The following MTMR3 variants were observed in gnomAD, a reference collection of about 807,000 sequenced individuals.
MTMR3 encodes phosphatidylinositol-3,5-bisphosphate 3-phosphatase MTMR3.
Under a neutral mutation model 132.4 loss-of-function variants are expected in MTMR3, and 32 were observed. The observed-to-expected ratio is 0.24, with a 90% CI of 0.18 to 0.32. MTMR3 has a LOEUF of 0.32. Among genes scored for constraint, MTMR3 ranks in the 10% least tolerant of loss-of-function variants. The pLI is 1.00. For synonymous variants in MTMR3, 556 were observed against 550.3 expected, an observed-to-expected ratio of 1.01 and a Z score of -0.14; for missense variants, 1,216 against 1,489.6, an observed-to-expected ratio of 0.82 and a Z score of 3.02.
intron 19 of MTMR3, chr22:30,023,297 A>G: frequency 1.4e-6 from 1 of 703,162 alleles, no homozygotes; most frequent in Non-Finnish European, 2.5e-6. Context: ...GTTTATCTGA[A>G]TCATGCCATA....
At position 30,013,444 on chromosome 22, in the gene MTMR3, T is replaced by G. The variant is rs1260809321; in HGVS notation, c.1406T>G (p.Leu469Arg). ...GGTCATGGGGAGAACTCGGATGATC[T>G]GAATGAACGTTGCCCAGTGTTTCTG... ...RCGHGENSDD[L>R]NERCPVFLQW... The change falls in exon 14 of 20, where the codon CTG (leucine) becomes CGG (arginine). Residue 469 changes from leucine to arginine, a missense_variant. Physicochemically the swap from Leu to Arg is moderately radical, Grantham distance 102 (BLOSUM62 -2). Transcript: ENST00000401950. 6.2e-7 allele frequency: 1 copy of G among 1,614,208 alleles called. No individual in the cohort carries two copies. Among genetic ancestry groups the G allele is most frequent in the Non-Finnish European group, 8.5e-7 (1 of 1,180,018 alleles).
chr22:30,016,904 G>A (rs530767239), intron 15 of MTMR3: 1 of 605,892 alleles, frequency 1.7e-6, no homozygotes, highest in Admixed American at 3.5e-5. Flanking sequence ...ACTACTTGCT[G>A]AGGGTGGTTT....
At chr22:29,947,069 AT>A (rs1319645613) in intron 1 of MTMR3, among the ~76,000 whole-genome samples, 1 of 152,168 alleles carries the variant, frequency 6.6e-6, no homozygotes, top group Non-Finnish European at 1.5e-5. Flanking sequence ...CAAGGTTCTT[AT>A]GTTTCCAGCA....
At chr22:29,982,933 TTGTTTGTGTGTGTGTGTGTG>T (rs1391568821) in intron 5 of MTMR3, 8 of 108,418 alleles carry the variant, frequency 7.4e-5, no homozygotes, top group African/African-American at 3.7e-4. Flanking sequence ...GTTTAAAAGT[TTGTTTGTGTGTGTGTGTGTG>T]TGTGTGTGTG....
intron 19 of MTMR3, chr22:30,023,138 T>C (rs1181964493): frequency 7.0e-6 from 3 of 431,062 alleles, no homozygotes; most frequent in Non-Finnish European, 1.3e-5. Flanking sequence ...GCTTGGGAAG[T>C]AGTAGAGACA....
intron 1 of MTMR3, among the ~76,000 whole-genome samples, chr22:29,896,472 G>C (rs1224276400): frequency 6.6e-6 from 1 of 152,064 alleles, no homozygotes; most frequent in East Asian, 1.9e-4. Context: ...GCCAACTTCT[G>C]GCCGGCCACT....
intron 1 of MTMR3, among the ~76,000 whole-genome samples, chr22:29,892,418 C>T (rs2064818297): frequency 6.6e-6 from 1 of 152,100 alleles, no homozygotes; most frequent in Admixed American, 6.6e-5. Flanking sequence ...GAGTTAGGTC[C>T]TAGAGACTGA....
At chr22:29,986,431 T>C in intron 5 of MTMR3, 3 of 424,452 alleles carry the variant, frequency 7.1e-6, no homozygotes, top group Non-Finnish European at 9.4e-6. Context: ...CAAAGTTATC[T>C]TCTAATCTGT....
At chr22:29,904,005 G>C (rs548297473) in intron 1 of MTMR3, among the ~76,000 whole-genome samples, 33 of 152,206 alleles carry the variant, frequency 2.2e-4, no homozygotes, top group African/African-American at 7.9e-4. Context: ...GGAAATACCT[G>C]CCCAGTTTTG....
intron 1 of MTMR3, among the ~76,000 whole-genome samples, chr22:29,949,793 TTAAAGA>T (rs1223284388): frequency 2.0e-5 from 3 of 152,166 alleles, no homozygotes; most frequent in Non-Finnish European, 2.9e-5. Flanking sequence ...CAGTCTAGTG[TTAAAGA>T]TAAAATTATG....
rs2067964885 is a variant in MTMR3 at position 30,028,997 on chromosome 22, G to A, written c.*3196G>A. 6.6e-6 allele frequency: 1 copy of A among 152,342 alleles called. No homozygotes were observed. The highest frequency in any genetic ancestry group is 1.5e-5 in the Non-Finnish European group (1 of 68,068). 9.4% of individuals were successfully genotyped at this position (152,342 alleles called of 1,614,324 possible). A position where few individuals can be genotyped will look rare whatever the true frequency, so the allele number is the denominator to read the frequency against. On this transcript the variant is annotated 3_prime_UTR_variant, in exon 20 of 20. Coordinates refer to ENST00000401950, the MANE Select transcript of MTMR3 (RefSeq NM_021090.4). ...CTCCAGCAAATTAAAACACTGGCAT[G>A]GCCTAGGAAGGGCGTTGCGAGCTCC...
chr22:29,925,755 A>G (rs2065503750), intron 1 of MTMR3, among the ~76,000 whole-genome samples: 1 of 151,946 alleles, frequency 6.6e-6, no homozygotes, highest in Non-Finnish European at 1.5e-5. Flanking sequence ...CTCTACTAAA[A>G]TCACAAAAAA....
In MTMR3 at chr22:30,030,548, CTCCTGCCAGTGCTA is replaced by C. The variant is rs968095536; in HGVS notation, c.*4749_*4762del. On this transcript the variant is annotated 3_prime_UTR_variant, in exon 20 of 20. Transcript: ENST00000401950. ...CTGGATTTGGGTTGTCACTGTGGTT[CTCCTGCCAGTGCTA>C]TAATCCAGTGTCGTAGGTGCAGGGT... The C allele has an allele frequency of 2.2e-4, 32 of 148,526 alleles. No individual in the cohort carries two copies. The highest frequency in any genetic ancestry group is 7.7e-4 in the African/African-American group (31 of 40,108). 9.2% of individuals were successfully genotyped at this position (148,526 alleles called of 1,614,324 possible).
Position 30,007,109 on chromosome 22 carries a change from C to T in MTMR3, c.672-5C>T. 6.2e-7 allele frequency: 1 copy of T among 1,613,346 alleles called. No individual in the cohort carries two copies. The highest frequency in any genetic ancestry group is 8.5e-7 in the Non-Finnish European group (1 of 1,179,912). On this transcript the variant is annotated splice_polypyrimidine_tract_variant and splice_region_variant and intron_variant, in intron 9 of 19. Coordinates refer to ENST00000401950, the MANE Select transcript of MTMR3 (RefSeq NM_021090.4). ...TACAGTTGTTGTCTCTTGTTCCTCA[C>T]ACAGGCACCAGAGCAATGGAGCTGT...
Position 30,008,128 on chromosome 22 carries a change from G to A in MTMR3, c.1009+96G>A. ...GTTCCCAATTTGAAATAAGTGGCAAGCCATATTCCTCATCCATCCTGTCGT... is the reference window on the plus strand; with the variant it reads ...GTTCCCAATTTGAAATAAGTGGCAAACCATATTCCTCATCCATCCTGTCGT... On this transcript the variant is annotated intron_variant, in intron 11 of 19. Coordinates refer to ENST00000401950, the MANE Select transcript of MTMR3 (RefSeq NM_021090.4). 4.7e-6 allele frequency: 7 copies of A among 1,497,016 alleles called. No homozygotes were observed. In the South Asian group the frequency reaches 6.2e-5, roughly 13 times the overall value. 92.7% of individuals were successfully genotyped at this position (1,497,016 alleles called of 1,614,324 possible). A position where few individuals can be genotyped will look rare whatever the true frequency, so the allele number is the denominator to read the frequency against.
At chr22:29,896,942 G>A (rs370610892) in intron 1 of MTMR3, among the ~76,000 whole-genome samples, 46 of 145,684 alleles carry the variant, frequency 3.2e-4, no homozygotes, top group African/African-American at 1.1e-3. Context: ...TACAAAGCCT[G>A]TCTGTCTCTG....
At chr22:29,923,720 A>G (rs567860331) in intron 1 of MTMR3, among the ~76,000 whole-genome samples, 1 of 152,246 alleles carries the variant, frequency 6.6e-6, no homozygotes, top group Admixed American at 6.5e-5. Flanking sequence ...TTTTAAGCAC[A>G]CTAATCCTAT....
chr22:30,021,893 T>A, intron 17 of MTMR3, 136 bp from the exon 18 acceptor site: 1 of 662,156 alleles, frequency 1.5e-6, no homozygotes, highest in Non-Finnish European at 2.7e-6. Flanking sequence ...TCTTGATGGC[T>A]GATGCATCTG....
chr22:29,883,895 G>A (rs574457855), intron 1 of MTMR3, among the ~76,000 whole-genome samples: 1 of 152,314 alleles, frequency 6.6e-6, no homozygotes, highest in South Asian at 2.1e-4. Flanking sequence ...CCCTGACCTG[G>A]TAGTACTTAG....
Sources: allele counts gnomAD v4.1 joint callset (sites outside exome capture counted in the v4.1 genomes callset), GRCh38; gene constraint gnomAD v4.1.1; transcripts MANE v1.5; gene names NCBI Gene and HGNC (gene_info 2026-07-23, HGNC 2026-07-21).